DCK: variants seen among roughly 807,000 people sequenced by gnomAD.
DCK encodes the protein deoxyadenosine kinase.
Under a neutral mutation model 38.3 loss-of-function variants are expected in DCK, and 23 were observed. The ratio of observed to expected loss-of-function variants is 0.60; its 90% CI spans 0.43 to 0.85. DCK has a LOEUF of 0.85. DCK is among the 40% of genes least tolerant of loss of function. DCK has a pLI of 0.00. For synonymous variants in DCK, 108 were observed against 100.6 expected, an observed-to-expected ratio of 1.07 and a Z score of -0.44; for missense variants, 259 against 304.4, an observed-to-expected ratio of 0.85 and a Z score of 1.11.
At chr4:71,009,191 G>A (rs1371525088) in intron 2 of DCK, among the ~76,000 whole-genome samples, 1 of 152,208 alleles carries the variant, frequency 6.6e-6, no homozygotes, top group Non-Finnish European at 1.5e-5. Flanking sequence ...AAGGATTCGG[G>A]TGCTTTTTAA....
chr4:71,019,446 A>G (rs1422024749), intron 2 of DCK, among the ~76,000 whole-genome samples: 1 of 152,162 alleles, frequency 6.6e-6, no homozygotes, highest in Non-Finnish European at 1.5e-5. Context: ...TATACAGCTC[A>G]GTAGTATTAT....
intron 6 of DCK, chr4:71,028,780 G>A (rs535574879): frequency 2.0e-5 from 6 of 307,272 alleles, no homozygotes; most frequent in Middle Eastern, 1.1e-3. Context: ...TTTTTGAGAC[G>A]GAGTTTTGCT....
At chr4:71,001,464 C>T (rs748139918) in intron 2 of DCK, among the ~76,000 whole-genome samples, 2 of 152,016 alleles carry the variant, frequency 1.3e-5, no homozygotes, top group Non-Finnish European at 2.9e-5. Flanking sequence ...TTTGTTGTGT[C>T]TCTGCCAGGT....
At chr4:70,997,399 G>T (rs73827066) in intron 1 of DCK, among the ~76,000 whole-genome samples, 2 of 152,066 alleles carry the variant, frequency 1.3e-5, no homozygotes, top group South Asian at 2.1e-4. Context: ...CCAGTTTATC[G>T]TTAAAAGTTT....
intron 2 of DCK, among the ~76,000 whole-genome samples, chr4:71,014,971 T>G (rs541117947): frequency 9.2e-5 from 14 of 152,266 alleles, no homozygotes; most frequent in African/African-American, 3.4e-4. Context: ...AAAAAATCAA[T>G]GAATCCAGGA....
intron 2 of DCK, chr4:71,006,409 G>C: frequency 3.2e-6 from 1 of 311,494 alleles, no homozygotes; most frequent in Non-Finnish European, 4.7e-6. Context: ...TTCGTTTCTG[G>C]AGAAATGAGA....
chr4:71,026,231 A>G (rs533833509), intron 5 of DCK, among the ~76,000 whole-genome samples: 1 of 152,208 alleles, frequency 6.6e-6, no homozygotes, highest in South Asian at 2.1e-4. Context: ...TTCAGAAAGA[A>G]TTTTGACTTG....
chr4:71,001,001 T>C (rs947505621), intron 2 of DCK, among the ~76,000 whole-genome samples: 2 of 152,200 alleles, frequency 1.3e-5, no homozygotes, highest in Non-Finnish European at 2.9e-5. Context: ...CTGAATCCCC[T>C]TTATTTCTTT....
chr4:71,023,443 C>A, intron 3 of DCK, 116 bp from the exon 4 acceptor site: 1 of 683,140 alleles, frequency 1.5e-6, no homozygotes. Context: ...TTTCTGCTTT[C>A]CACGGCACTA....
intron 2 of DCK, among the ~76,000 whole-genome samples, chr4:71,000,148 A>AT (rs541820205): frequency 4.4e-4 from 67 of 152,006 alleles, no homozygotes; most frequent in African/African-American, 1.5e-3. Flanking sequence ...AGTTTTTATG[A>AT]TTTTAGGTCT....
At position 70,993,864 on chromosome 4, in the gene DCK, C is replaced by G. The variant is rs767152030; in HGVS notation, c.29C>G (p.Pro10Arg). ...GCCACCCCGCCCAAGAGAAGCTGCCCGTCTTTCTCAGCCAGCTCTGAGGGG... is the reference window on the plus strand; with the variant it reads ...GCCACCCCGCCCAAGAGAAGCTGCCGGTCTTTCTCAGCCAGCTCTGAGGGG... MATPPKRSC[P>R]SFSASSEGTR... The change falls in exon 1 of 7, where the codon CCG becomes CGG. Residue 10 changes from proline to arginine, a missense_variant. By Grantham distance (103) the Pro-to-Arg change is moderately radical. Transcript: ENST00000286648. The G allele has an allele frequency of 5.0e-6, 8 of 1,613,750 alleles. No individual in the cohort carries two copies. Among genetic ancestry groups the G allele is most frequent in the Non-Finnish European group, 6.8e-6 (8 of 1,179,832 alleles).
chr4:71,000,902 A>G (rs190409529), intron 2 of DCK, among the ~76,000 whole-genome samples: 47 of 152,274 alleles, frequency 3.1e-4, no homozygotes, highest in African/African-American at 9.9e-4. Context: ...GCTTGTCACC[A>G]TAAGGGATTA....
intron 2 of DCK, among the ~76,000 whole-genome samples, chr4:71,017,496 A>G (rs1460221913): frequency 1.3e-5 from 2 of 152,106 alleles, no homozygotes; most frequent in African/African-American, 4.8e-5. Flanking sequence ...TTATTGCGGC[A>G]CTGTTCACAA....
chr4:70,995,533 C>T (rs1189370854), intron 1 of DCK, among the ~76,000 whole-genome samples: 1 of 151,210 alleles, frequency 6.6e-6, no homozygotes, highest in Non-Finnish European at 1.5e-5. Flanking sequence ...GAGCCATGAT[C>T]ACACTACTGC....
chr4:71,022,395 G>T lies in DCK; in HGVS notation c.236G>T (p.Gly79Val). The change falls in exon 3 of 7, where the codon GGG becomes GTG. Residue 79 changes from glycine to valine, a missense_variant. Coordinates refer to ENST00000286648, the MANE Select transcript of DCK (RefSeq NM_000788.3). ...EELTMSQKNG[G>V]NVLQMMYEKP... is the part of the protein sequence containing the mutation. ...CTTACAATGTCTCAGAAAAATGGTG[G>T]GAATGTTCTTCAGATGATGTATGAG... The T allele has an allele frequency of 6.5e-7, 1 of 1,533,958 alleles. No homozygotes were observed.
intron 2 of DCK, among the ~76,000 whole-genome samples, chr4:71,015,517 C>T (rs192977356): frequency 3.9e-5 from 6 of 152,244 alleles, no homozygotes; most frequent in East Asian, 1.9e-4. Flanking sequence ...TGATGAACAT[C>T]GATGCAAAAA....
intron 2 of DCK, among the ~76,000 whole-genome samples, chr4:71,005,658 C>T (rs1282498839): frequency 6.6e-6 from 1 of 151,540 alleles, no homozygotes; most frequent in Non-Finnish European, 1.5e-5. Context: ...AAGCATGGGC[C>T]ACCATGCCTG....
Position 71,023,689 on chromosome 4 carries a change from C to G in DCK, c.532C>G (p.Leu178Val). 1 of 1,608,912 alleles carries G rather than the reference C, an allele frequency of 6.2e-7. No homozygotes were observed. The highest frequency in any genetic ancestry group is 8.5e-7 in the Non-Finnish European group (1 of 1,178,440). The change falls in exon 4 of 7, where the codon CTT (leucine) becomes GTT (valine). Residue 178 changes from leucine to valine, a missense_variant. Around this residue, in one of 3 missense-constraint regions of DCK, gnomAD observed 82 missense variants for 103.8 expected, o/e 0.79. Transcript: ENST00000286648. Reference protein sequence around the residue: ...QSLELDGIIYLQATPETCLHR... With the variant: ...QSLELDGIIYVQATPETCLHR... ...CCTTGAATTGGATGGAATCATTTAT[C>G]TTCAAGCCACTCCAGAGGTAAAACC...
At chr4:71,021,099 C>T (rs1330525618) in intron 2 of DCK, among the ~76,000 whole-genome samples, 15 of 140,318 alleles carry the variant, frequency 1.1e-4, no homozygotes, top group African/African-American at 3.7e-4. Flanking sequence ...GACGGAGTCT[C>T]GCTCTGTCGC....
Sources: allele counts gnomAD v4.1 joint callset (sites outside exome capture counted in the v4.1 genomes callset), GRCh38; gene constraint gnomAD v4.1.1; regional missense constraint gnomAD v4.1.1; transcripts MANE v1.5; gene names NCBI Gene and HGNC (gene_info 2026-07-23, HGNC 2026-07-21).